OLFM3: variants seen among roughly 807,000 people sequenced by gnomAD.
OLFM3 encodes olfactomedin 3.
In OLFM3, 20 loss-of-function variants were observed where a neutral mutation model predicts 48.6. The observed-to-expected ratio is 0.41, with a 90% CI of 0.29 to 0.60. The LOEUF is 0.60. Ranked by LOEUF, OLFM3 falls within the 20% of genes least tolerant of loss-of-function variation. The pLI, the probability that OLFM3 is intolerant of heterozygous loss-of-function variation, is 0.28. For missense variants in OLFM3, 437 were observed against 544.3 expected, an observed-to-expected ratio of 0.80 and a Z score of 1.96; for synonymous variants, 222 against 198.1, an observed-to-expected ratio of 1.12 and a Z score of -1.01.
intron 1 of OLFM3, among the ~76,000 whole-genome samples, chr1:101,872,876 A>G (rs552949866): frequency 6.7e-6 from 1 of 150,098 alleles, no homozygotes; most frequent in African/African-American, 2.4e-5. Context: ...TAATGGGTAC[A>G]ATGCAAAAAA....
At chr1:101,874,797 C>T (rs1657232127) in intron 1 of OLFM3, among the ~76,000 whole-genome samples, 2 of 151,914 alleles carry the variant, frequency 1.3e-5, no homozygotes, top group African/African-American at 2.4e-5. Context: ...AGATTATCTG[C>T]AAATCTAACT....
At chr1:101,829,675 C>T (rs1055581348) in intron 3 of OLFM3, among the ~76,000 whole-genome samples, 2 of 152,230 alleles carry the variant, frequency 1.3e-5, no homozygotes, top group Admixed American at 1.3e-4. Flanking sequence ...GATCCACTCC[C>T]TCAACATCAG....
At chr1:101,830,973 A>C in intron 2 of OLFM3, 146 bp from the exon 3 acceptor site, 1 of 641,732 alleles carries the variant, frequency 1.6e-6, no homozygotes, top group Non-Finnish European at 2.6e-6. Context: ...TCAGAAGAAC[A>C]ATTCTTCATT....
chr1:101,926,980 TC>T (rs756613225), intron 1 of OLFM3, among the ~76,000 whole-genome samples: 38 of 152,298 alleles, frequency 2.5e-4, no homozygotes, highest in Non-Finnish European at 4.6e-4. Context: ...AATCGCTTTT[TC>T]CTATCCATAA....
At chr1:101,970,173 AC>A (rs956736193) in intron 1 of OLFM3, among the ~76,000 whole-genome samples, 141 of 151,728 alleles carry the variant, frequency 9.3e-4, no homozygotes, top group African/African-American at 3.1e-3. Flanking sequence ...GCACTACCAC[AC>A]CCCGCTAATT....
intron 1 of OLFM3, among the ~76,000 whole-genome samples, chr1:101,897,401 T>C (rs1313216343): frequency 6.6e-6 from 1 of 152,130 alleles, no homozygotes; most frequent in East Asian, 1.9e-4. Context: ...AATGGTTAAG[T>C]TTTACATGGC....
intron 1 of OLFM3, among the ~76,000 whole-genome samples, chr1:101,989,272 G>C (rs1274355084): frequency 6.6e-6 from 1 of 152,054 alleles, no homozygotes; most frequent in African/African-American, 2.4e-5. Context: ...AGAAGGCATA[G>C]CTCTGTGATA....
intron 1 of OLFM3, among the ~76,000 whole-genome samples, chr1:101,915,675 A>G (rs1658902449): frequency 6.6e-6 from 1 of 152,200 alleles, no homozygotes; most frequent in African/African-American, 2.4e-5. Flanking sequence ...TTTGCAAGGT[A>G]GAATGGTTTC....
chr1:101,942,990 A>G (rs1427617042), intron 1 of OLFM3, among the ~76,000 whole-genome samples: 1 of 152,174 alleles, frequency 6.6e-6, no homozygotes, highest in African/African-American at 2.4e-5. Flanking sequence ...GCTCAGATGC[A>G]TACAGGACTA....
chr1:101,956,086 G>GTTT lies in OLFM3; in HGVS notation c.69+40659_69+40661dup, dbSNP rs71592232. Among the ~76,000 whole-genome samples, 128 of 105,084 alleles carry GTTT rather than the reference G, an allele frequency of 1.2e-3. 1 individual carries two copies. The highest frequency in any genetic ancestry group is 8.9e-3 in the East Asian group (37 of 4,152). The allele number at this position is 105,084 out of a possible 152,430, so 68.9% of individuals were successfully genotyped here. A position where few individuals can be genotyped will look rare whatever the true frequency, so the allele number is the denominator to read the frequency against. ...ATATCTCAATTCAACACAATAACAG[G>GTTT]TTTTTTTTTTTTTTTTTAAAAAAAA... On this transcript the variant is annotated intron_variant, in intron 1 of 5. Transcript: ENST00000370103.
At chr1:101,897,756 T>C (rs183936822) in intron 1 of OLFM3, among the ~76,000 whole-genome samples, 1 of 152,288 alleles carries the variant, frequency 6.6e-6, no homozygotes, top group East Asian at 1.9e-4. Context: ...TTTGATTTAA[T>C]CTGGGATACA....
At chr1:101,890,891 A>G (rs570186794) in intron 1 of OLFM3, among the ~76,000 whole-genome samples, 1 of 152,096 alleles carries the variant, frequency 6.6e-6, no homozygotes, top group African/African-American at 2.4e-5. Flanking sequence ...AGACAACAGA[A>G]TGAATTAACA....
intron 1 of OLFM3, among the ~76,000 whole-genome samples, chr1:101,930,551 C>A (rs1659415170): frequency 6.6e-6 from 1 of 152,076 alleles, no homozygotes; most frequent in Non-Finnish European, 1.5e-5. Flanking sequence ...TTTATTAATT[C>A]ATGAAGAAGT....
At chr1:101,873,836 T>C (rs1657186607) in intron 1 of OLFM3, among the ~76,000 whole-genome samples, 2 of 151,876 alleles carry the variant, frequency 1.3e-5, no homozygotes, top group African/African-American at 4.8e-5. Flanking sequence ...GATGCAATAC[T>C]TCCTCATCAT....
intron 4 of OLFM3, among the ~76,000 whole-genome samples, chr1:101,810,819 A>G (rs959750511): frequency 1.3e-5 from 2 of 151,752 alleles, no homozygotes; most frequent in African/African-American, 2.4e-5. Flanking sequence ...AATTTATATT[A>G]TGAATTATAA....
chr1:101,891,652 A>T (rs534756438), intron 1 of OLFM3, among the ~76,000 whole-genome samples: 11 of 151,924 alleles, frequency 7.2e-5, no homozygotes, highest in East Asian at 1.9e-4. Context: ...TATGCATTAG[A>T]TTATCTACAG....
At chr1:101,925,790 A>G (rs1659253787) in intron 1 of OLFM3, among the ~76,000 whole-genome samples, 1 of 151,968 alleles carries the variant, frequency 6.6e-6, no homozygotes, top group Admixed American at 6.6e-5. Flanking sequence ...TCAGCCCCAC[A>G]AAGTGCTAAG....
At chr1:101,992,524 C>T (rs1661441051) in intron 1 of OLFM3, among the ~76,000 whole-genome samples, 1 of 151,926 alleles carries the variant, frequency 6.6e-6, no homozygotes, top group Admixed American at 6.6e-5. Context: ...TGAGTTGATC[C>T]TGTTATGAAG....
intron 1 of OLFM3, among the ~76,000 whole-genome samples, chr1:101,994,923 T>C (rs924544977): frequency 1.3e-5 from 2 of 152,036 alleles, no homozygotes; most frequent in Non-Finnish European, 2.9e-5. Context: ...TTTTGTAGCA[T>C]TGAATACACA....
Sources: gnomAD v4.1 joint callset for allele counts (sites outside exome capture counted in the v4.1 genomes callset) on GRCh38, gnomAD v4.1.1 for gene constraint, MANE v1.5 for transcripts, NCBI Gene and HGNC (gene_info 2026-07-23, HGNC 2026-07-21) for gene names.